AKT2: variants seen among roughly 807,000 people sequenced by gnomAD.
AKT2 encodes the protein RAC-beta serine/threonine-protein kinase.
Under a neutral mutation model 58.6 loss-of-function variants are expected in AKT2, and 16 were observed. That is an observed-to-expected ratio of 0.27 (90% CI 0.18 to 0.41). AKT2 has a LOEUF of 0.41. Among genes scored for constraint, AKT2 ranks in the 10% least tolerant of loss-of-function variants. The pLI, the probability that AKT2 is intolerant of heterozygous loss-of-function variation, is 1.00. For synonymous variants in AKT2, 253 were observed against 254.0 expected (o/e 1.00, Z 0.04); for missense variants, 438 against 661.0 (o/e 0.66, Z 3.70).
chr19:40,242,959 C>T lies in AKT2; in HGVS notation c.288-272G>A, dbSNP rs1478492344. The T allele has an allele frequency of 9.2e-6, 4 of 435,868 alleles. No homozygotes were observed. The highest frequency in any genetic ancestry group is 1.7e-5 in the Non-Finnish European group (4 of 232,218). 27.0% of individuals were successfully genotyped at this position (435,868 alleles called of 1,614,324 possible). On this transcript the variant is annotated intron_variant, in intron 4 of 13. Coordinates refer to ENST00000392038, the MANE Select transcript of AKT2 (RefSeq NM_001626.6). This position sits in a 1 kb window ranked among gnomAD's most constrained non-coding sequence, Gnocchi z 4.3. ...GTCAGGAGTTCGAGACCAGCCTGGC[C>T]AACATGGTGAAACCCCGTCTCTACT...
intron 4 of AKT2, among the ~76,000 whole-genome samples, chr19:40,254,470 G>C (rs1975391588): frequency 6.6e-6 from 1 of 150,532 alleles, no homozygotes; most frequent in Non-Finnish European, 1.5e-5. Context: ...GGAGGTTGCA[G>C]TAAACTGAGA....
In AKT2 at chr19:40,237,762, C is replaced by T; in HGVS notation, c.831+207G>A. 4 of 700,174 alleles carry T rather than the reference C, an allele frequency of 5.7e-6. No homozygotes were observed. Among genetic ancestry groups the T allele is most frequent in the Non-Finnish European group, 9.4e-6 (4 of 427,030 alleles). The allele number at this position is 700,174 out of a possible 1,614,324, so 43.4% of individuals were successfully genotyped here. On this transcript the variant is annotated intron_variant, in intron 9 of 13. Transcript: ENST00000392038. This position sits in a 1 kb window ranked among gnomAD's most constrained non-coding sequence, Gnocchi z 4.5. ...GGGGCAACTTGCCACAGAGCCACCA[C>T]CCTGGACCTTGGTGGGGAGCCTGGT...
At chr19:40,272,862 C>T (rs891964908) in intron 1 of AKT2, among the ~76,000 whole-genome samples, 5 of 152,168 alleles carry the variant, frequency 3.3e-5, no homozygotes, top group African/African-American at 1.2e-4. Context: ...GGCTGTGTCA[C>T]CTGCTGTGAG....
Position 40,242,899 on chromosome 19 carries a change from A to G in AKT2, c.288-212T>C. Reference sequence around the variant, plus strand: ...CGCAGTGGCTCATGCCTATAATCCCAGCACTTTGGGAGGCTGAGGCGGATG... The same window carrying G: ...CGCAGTGGCTCATGCCTATAATCCCGGCACTTTGGGAGGCTGAGGCGGATG... On this transcript the variant is annotated intron_variant, in intron 4 of 13. Transcript: ENST00000392038. This position sits in a 1 kb window ranked among gnomAD's most constrained non-coding sequence, Gnocchi z 4.3. The G allele has an allele frequency of 3.5e-6, 2 of 577,834 alleles. No individual in the cohort carries two copies. Among genetic ancestry groups the G allele is most frequent in the Non-Finnish European group, 3.1e-6 (1 of 321,302 alleles). 35.8% of individuals were successfully genotyped at this position (577,834 alleles called of 1,614,324 possible).
chr19:40,274,517 C>T (rs145606347), intron 1 of AKT2: 26 of 159,782 alleles, frequency 1.6e-4, no homozygotes, highest in South Asian at 1.0e-3. Flanking sequence ...TAAATACATA[C>T]GCAAATTAGA....
At position 40,232,363 on chromosome 19, in the gene AKT2, C is replaced by G. The variant is rs1973744088; in HGVS notation, c.*1509G>C. Reference sequence around the variant, plus strand: ...AAATGAGTGTCTTTATTGCTTGTACCGTACAAATATGAAGACGAGGAGAAA... The same window carrying G: ...AAATGAGTGTCTTTATTGCTTGTACGGTACAAATATGAAGACGAGGAGAAA... On this transcript the variant is annotated 3_prime_UTR_variant, in exon 14 of 14. Transcript: ENST00000392038. 1 of 233,662 alleles carries G rather than the reference C, an allele frequency of 4.3e-6. No individual in the cohort carries two copies. The highest frequency in any genetic ancestry group is 6.0e-5 in the East Asian group (1 of 16,580). 14.5% of individuals were successfully genotyped at this position (233,662 alleles called of 1,614,324 possible).
intron 1 of AKT2, among the ~76,000 whole-genome samples, chr19:40,278,185 G>A (rs1348394622): frequency 6.6e-6 from 1 of 152,218 alleles, no homozygotes; most frequent in Non-Finnish European, 1.5e-5. Context: ...ATAGCAGGCA[G>A]GGCAAGAAGA....
chr19:40,273,242 G>A (rs1600103301), intron 1 of AKT2, among the ~76,000 whole-genome samples: 1 of 151,924 alleles, frequency 6.6e-6, no homozygotes, highest in East Asian at 1.9e-4. Flanking sequence ...TCAGGAGGCT[G>A]AGGCAGGAGA....
rs1358156204 is a variant in AKT2 at position 40,234,805 on chromosome 19, C to G, written c.1366+240G>C. On this transcript the variant is annotated intron_variant, in intron 13 of 13. Transcript: ENST00000392038. This position sits in a 1 kb window ranked among gnomAD's most constrained non-coding sequence, Gnocchi z 4.7. ...AACCCAGCCAGGCTCAGGGACCGGG[C>G]TGCCTCCTGCCCTGAGCCCCCCGAC... 1.6e-6 allele frequency: 1 copy of G among 624,014 alleles called. No homozygotes were observed. The highest frequency in any genetic ancestry group is 2.9e-6 in the Non-Finnish European group (1 of 349,138). 38.7% of individuals were successfully genotyped at this position (624,014 alleles called of 1,614,324 possible).
Position 40,248,745 on chromosome 19 carries a change from CAGGAGATGAGGACAGGGAGGAGTGG to C in AKT2, c.288-6083_288-6059del, listed in dbSNP as rs1568538355. On this transcript the variant is annotated intron_variant, in intron 4 of 13. Transcript: ENST00000392038. Reference sequence around the variant, plus strand: ...GAGGAGATGAGGACAGAGAGGAGTGCAGGAGATGAGGACAGGGAGGAGTGGAGGAGATGAGGACAGGGAGGAGTGG... The same window carrying C: ...GAGGAGATGAGGACAGAGAGGAGTGCAGGAGATGAGGACAGGGAGGAGTGG... Among the ~76,000 whole-genome samples, 106 of 135,746 alleles carry C rather than the reference CAGGAGATGAGGACAGGGAGGAGTGG, an allele frequency of 7.8e-4. 4 individuals carry two copies. The highest frequency in any genetic ancestry group is 4.1e-3 in the Middle Eastern group (1 of 246). 89.1% of individuals were successfully genotyped at this position (135,746 alleles called of 152,430 possible). A position where few individuals can be genotyped will look rare whatever the true frequency, so the allele number is the denominator to read the frequency against.
rs537029863 is a variant in AKT2, at chr19:40,232,249, A to G, written c.*1623T>C. On this transcript the variant is annotated 3_prime_UTR_variant, in exon 14 of 14. Coordinates refer to ENST00000392038, the MANE Select transcript of AKT2 (RefSeq NM_001626.6). ...TGCTGAAGGGAACGGCTAGTACAGG[A>G]GGAGCTGGGGCCCAGGGGTCTGACT... is the stretch of plus-strand genomic sequence containing the variant. The G allele has an allele frequency of 4.3e-5, 10 of 233,760 alleles. No individual in the cohort carries two copies. 14.5% of individuals were successfully genotyped at this position (233,760 alleles called of 1,614,324 possible).
chr19:40,245,465 C>G (rs1974686638), intron 4 of AKT2, among the ~76,000 whole-genome samples: 1 of 152,154 alleles, frequency 6.6e-6, no homozygotes, highest in Admixed American at 6.5e-5. Flanking sequence ...GACACATGCT[C>G]ACATAGGCAC....
At chr19:40,284,334 C>G (rs1211219748) in intron 1 of AKT2, among the ~76,000 whole-genome samples, 1 of 152,178 alleles carries the variant, frequency 6.6e-6, no homozygotes, top group East Asian at 1.9e-4. Flanking sequence ...CAGACAACTT[C>G]AGTGACTTCT....
intron 2 of AKT2, among the ~76,000 whole-genome samples, chr19:40,260,164 C>CAAAACA (rs991488056): frequency 2.0e-5 from 3 of 150,844 alleles, no homozygotes; most frequent in African/African-American, 7.3e-5. Context: ...AAAAACAAAA[C>CAAAACA]AAAACAAAAA....
intron 3 of AKT2, among the ~76,000 whole-genome samples, chr19:40,256,150 CTAGT>C (rs1350753439): frequency 6.6e-6 from 1 of 152,134 alleles, no homozygotes; most frequent in Non-Finnish European, 1.5e-5. Context: ...GCTGGGAGTT[CTAGT>C]GAGACACTGA....
chr19:40,261,532 C>CA (rs34120640), intron 2 of AKT2, among the ~76,000 whole-genome samples: 51,823 of 134,532 alleles, frequency 0.39, 11,311 homozygotes, highest in South Asian at 0.6. Context: ...GACTCCATCT[C>CA]AAAAAAAAAA....
At chr19:40,275,143 C>T (rs780485310) in intron 1 of AKT2, 1 of 456,836 alleles carries the variant, frequency 2.2e-6, no homozygotes, top group Non-Finnish European at 4.4e-6. Context: ...GGAGCCCGGA[C>T]CCCTCTCCTC....
intron 2 of AKT2, among the ~76,000 whole-genome samples, chr19:40,258,639 A>G (rs970976550): frequency 6.6e-6 from 1 of 151,458 alleles, no homozygotes; most frequent in African/African-American, 2.4e-5. Flanking sequence ...CCAGTGACAG[A>G]GCAAGACCCT....
intron 6 of AKT2, chr19:40,240,713 C>T (rs149948043): frequency 5.1e-6 from 1 of 195,820 alleles, no homozygotes; most frequent in Non-Finnish European, 1.1e-5. Flanking sequence ...CCTGCAGCAA[C>T]GTGAACACAG....
Sources: gnomAD v4.1 joint callset for allele counts (sites outside exome capture counted in the v4.1 genomes callset) on GRCh38, gnomAD v4.1.1 for gene constraint, Gnocchi (gnomAD v3.1) non-coding constraint, MANE v1.5 for transcripts, NCBI Gene and HGNC (gene_info 2026-07-23, HGNC 2026-07-21) for gene names.